Variants in CSNK2A2IP observed in about 807,000 individuals in gnomAD.
The protein encoded by CSNK2A2IP is casein kinase 2 subunit alpha' interacting protein, also known as casein kinase II subunit alpha'-interacting protein.
the CSNK2A2IP span, among the ~76,000 whole-genome samples, chr3:88,376,929 G>A: frequency 6.6e-6 from 1 of 151,746 alleles, no homozygotes; most frequent in Non-Finnish European, 1.5e-5. Context: ...TTGTAAGTTG[G>A]TTTCTATGAT....
At chr3:88,415,700 G>A in the CSNK2A2IP span, among the ~76,000 whole-genome samples, 1 of 151,902 alleles carries the variant, frequency 6.6e-6, no homozygotes. Context: ...TACCAATGAG[G>A]TGTTCTGGGT....
the CSNK2A2IP span, among the ~76,000 whole-genome samples, chr3:88,366,144 C>T: frequency 1.3e-5 from 2 of 152,150 alleles, 1 homozygote; most frequent in South Asian, 4.1e-4. Flanking sequence ...GTAGCATTTG[C>T]TCCTTGGCAG....
At chr3:88,437,169 T>A in the CSNK2A2IP span, among the ~76,000 whole-genome samples, 1 of 152,248 alleles carries the variant, frequency 6.6e-6, no homozygotes, top group Middle Eastern at 3.4e-3. Flanking sequence ...GCCAGTGTAG[T>A]TTTTCACACT....
At chr3:88,452,873 C>T in the CSNK2A2IP span, among the ~76,000 whole-genome samples, 2 of 152,100 alleles carry the variant, frequency 1.3e-5, no homozygotes, top group African/African-American at 4.8e-5. Flanking sequence ...TTTCATAAAA[C>T]TTCTCTTGGT....
the CSNK2A2IP span, among the ~76,000 whole-genome samples, chr3:88,433,251 T>A: frequency 8.4e-5 from 12 of 143,344 alleles, no homozygotes; most frequent in East Asian, 2.4e-3. Context: ...TTTTAATTGC[T>A]ATTTATGCCT....
the CSNK2A2IP span, chr3:88,466,991 T>C: frequency 6.2e-4 from 763 of 1,227,444 alleles, 3 homozygotes; most frequent in African/African-American, 0.011. Context: ...CCTAATGAAG[T>C]CCCTGAAGAC....
the CSNK2A2IP span, among the ~76,000 whole-genome samples, chr3:88,394,926 T>C: frequency 6.6e-6 from 1 of 152,150 alleles, no homozygotes; most frequent in African/African-American, 2.4e-5. Context: ...AAGACTGCAA[T>C]TGAGTACTGG....
the CSNK2A2IP span, among the ~76,000 whole-genome samples, chr3:88,451,844 T>C: frequency 2.0e-5 from 3 of 152,072 alleles, no homozygotes; most frequent in Non-Finnish European, 4.4e-5. Context: ...TTTCTCTTTG[T>C]CTTTCATTCC....
At chr3:88,446,056 TTCTTTCTTTC>T in the CSNK2A2IP span, among the ~76,000 whole-genome samples, 1 of 127,226 alleles carries the variant, frequency 7.9e-6, no homozygotes, top group South Asian at 2.5e-4. Flanking sequence ...CTTTCTTTCT[TTCTTTCTTTC>T]TTTCTTTCTT....
the CSNK2A2IP span, among the ~76,000 whole-genome samples, chr3:88,402,987 TA>T: frequency 6.6e-6 from 1 of 152,098 alleles, no homozygotes; most frequent in African/African-American, 2.4e-5. Flanking sequence ...AATTTAAAAT[TA>T]AAGGGCCATC....
chr3:88,427,237 C>T, the CSNK2A2IP span, among the ~76,000 whole-genome samples: 1 of 152,142 alleles, frequency 6.6e-6, no homozygotes, highest in Non-Finnish European at 1.5e-5. Context: ...TGCCCTTGCC[C>T]TAGAGATCTG....
chr3:88,445,635 T>G, the CSNK2A2IP span, among the ~76,000 whole-genome samples: 1 of 152,130 alleles, frequency 6.6e-6, no homozygotes, highest in East Asian at 1.9e-4. Flanking sequence ...GATAGCTCAC[T>G]GCAGCCTTGA....
At chr3:88,431,745 G>A in the CSNK2A2IP span, among the ~76,000 whole-genome samples, 116 of 152,084 alleles carry the variant, frequency 7.6e-4, no homozygotes, top group Non-Finnish European at 1.2e-3. Flanking sequence ...TCTGCCAACA[G>A]CAACAAAAAA....
the CSNK2A2IP span, among the ~76,000 whole-genome samples, chr3:88,391,802 A>G: frequency 2.0e-5 from 3 of 152,200 alleles, no homozygotes; most frequent in African/African-American, 7.2e-5. Flanking sequence ...CAATCTGGTA[A>G]GCCTTGTTGG....
the CSNK2A2IP span, among the ~76,000 whole-genome samples, chr3:88,439,110 T>A: frequency 1.3e-5 from 2 of 152,196 alleles, no homozygotes; most frequent in Non-Finnish European, 2.9e-5. Context: ...TCTTTTCTAA[T>A]CTGTCTCCAC....
the CSNK2A2IP span, among the ~76,000 whole-genome samples, chr3:88,357,671 A>G: frequency 1.3e-5 from 2 of 152,312 alleles, no homozygotes; most frequent in South Asian, 2.1e-4. Flanking sequence ...TTCTTTGGGT[A>G]GTATGGACAA....
At chr3:88,371,999 G>C in the CSNK2A2IP span, among the ~76,000 whole-genome samples, 3 of 151,620 alleles carry the variant, frequency 2.0e-5, no homozygotes, top group South Asian at 4.1e-4. Context: ...ATAAACAAAA[G>C]TTGAGATAGT....
the CSNK2A2IP span, among the ~76,000 whole-genome samples, chr3:88,370,423 G>A: frequency 0.031 from 4,694 of 151,852 alleles, 247 homozygotes; most frequent in African/African-American, 0.1. Context: ...TAATTTTTGC[G>A]TAAGATCTCA....
At chr3:88,415,647 T>C in the CSNK2A2IP span, among the ~76,000 whole-genome samples, 1 of 152,022 alleles carries the variant, frequency 6.6e-6, no homozygotes, top group South Asian at 2.1e-4. Flanking sequence ...TGCCAAACTT[T>C]AAATTATTCA....
Sources: gnomAD v4.1 joint callset for allele counts (sites outside exome capture counted in the v4.1 genomes callset) on GRCh38, gnomAD v4.1.1 for gene constraint, MANE v1.5 for transcripts, NCBI Gene and HGNC (gene_info 2026-07-23, HGNC 2026-07-21) for gene names.